DLGAP4: variants seen among roughly 807,000 people sequenced by gnomAD.
The protein encoded by DLGAP4 is DLG associated protein 4, also known as disks large-associated protein 4.
A neutral mutation model predicts 86.9 loss-of-function variants in DLGAP4; 18 were observed. The observed-to-expected ratio is 0.21, with a 90% CI of 0.14 to 0.31. The LOEUF (loss-of-function observed/expected upper bound fraction) is 0.31. Among genes scored for constraint, DLGAP4 ranks in the 10% least tolerant of loss-of-function variants. The probability of loss-of-function intolerance (pLI) is 1.00; values close to 1 mark genes in which losing one functional copy is unlikely to be tolerated. For missense variants in DLGAP4, 1,085 were observed against 1,362.6 expected, an observed-to-expected ratio of 0.80 and a Z score of 3.21; for synonymous variants, 548 against 574.3, an observed-to-expected ratio of 0.95 and a Z score of 0.65.
chr20:36,386,957 C>T (rs942383733), intron 2 of DLGAP4, among the ~76,000 whole-genome samples: 1 of 152,034 alleles, frequency 6.6e-6, no homozygotes, highest in East Asian at 1.9e-4. Flanking sequence ...TTTTTTCTGC[C>T]GAATAGTATT....
intron 7 of DLGAP4, among the ~76,000 whole-genome samples, chr20:36,473,368 C>T (rs1218712162): frequency 1.3e-5 from 2 of 152,186 alleles, no homozygotes; most frequent in Admixed American, 6.5e-5. Flanking sequence ...CCCTTCCCTT[C>T]TCTGGCCTGC....
At chr20:36,367,320 A>C (rs546936045) in intron 2 of DLGAP4, 45 bp downstream of exon 2, 2 of 152,408 alleles carry the variant, frequency 1.3e-5, no homozygotes, top group Admixed American at 1.3e-4. Flanking sequence ...CCAGCCCCCC[A>C]TGCTTGGCAC....
intron 7 of DLGAP4, among the ~76,000 whole-genome samples, chr20:36,473,656 C>T (rs1569511917): frequency 6.6e-6 from 1 of 152,152 alleles, no homozygotes; most frequent in Non-Finnish European, 1.5e-5. Context: ...CACTATGCTA[C>T]CCACGTTGGT....
chr20:36,369,074 G>A (rs755766951), intron 2 of DLGAP4, among the ~76,000 whole-genome samples: 2 of 152,194 alleles, frequency 1.3e-5, no homozygotes, highest in Admixed American at 1.3e-4. Context: ...CGTCAGCATC[G>A]CGTGGAAAGA....
intron 1 of DLGAP4, among the ~76,000 whole-genome samples, chr20:36,351,120 G>T (rs2030137225): frequency 6.6e-6 from 1 of 152,230 alleles, no homozygotes; most frequent in Non-Finnish European, 1.5e-5. Context: ...GAGTGGTTGG[G>T]GGCCCCCCTG....
intron 7 of DLGAP4, among the ~76,000 whole-genome samples, chr20:36,466,926 C>CTCTCTCTCTCTCTCTCTCTCTG (rs2034384776): frequency 7.1e-6 from 1 of 140,938 alleles, no homozygotes; most frequent in Admixed American, 6.9e-5. Flanking sequence ...CTCGCTCTTG[C>CTCTCTCTCTCTCTCTCTCTCTG]TCTCTCTCTC....
chr20:36,377,513 A>G (rs1171107621), intron 2 of DLGAP4, among the ~76,000 whole-genome samples: 1 of 152,212 alleles, frequency 6.6e-6, no homozygotes, highest in Non-Finnish European at 1.5e-5. Context: ...AATGGTGGCT[A>G]TTATTACTGT....
chr20:36,472,891 G>A (rs538269683), intron 7 of DLGAP4, among the ~76,000 whole-genome samples: 8 of 152,294 alleles, frequency 5.3e-5, no homozygotes, highest in Admixed American at 3.9e-4. Context: ...GAGCCTGGCT[G>A]GGGTAGGGAC....
At chr20:36,333,373 C>T (rs1470157180) in intron 1 of DLGAP4, among the ~76,000 whole-genome samples, 3 of 152,140 alleles carry the variant, frequency 2.0e-5, no homozygotes, top group East Asian at 1.9e-4. Flanking sequence ...CACCTCACTC[C>T]GTTCCAGCCA....
At chr20:36,320,054 T>C (rs1377825296) in intron 1 of DLGAP4, among the ~76,000 whole-genome samples, 4 of 82,672 alleles carry the variant, frequency 4.8e-5, no homozygotes, top group South Asian at 4.3e-4. Context: ...TCTGTGTCCC[T>C]CTCCTCCAGG....
intron 10 of DLGAP4, among the ~76,000 whole-genome samples, chr20:36,509,220 C>T (rs1600681904): frequency 6.6e-6 from 1 of 152,020 alleles, no homozygotes; most frequent in East Asian, 1.9e-4. Flanking sequence ...TTCAGGAGTT[C>T]AAAACTAGCC....
chr20:36,364,076 T>TTTTTG (rs373720701), intron 1 of DLGAP4, among the ~76,000 whole-genome samples: 538 of 152,266 alleles, frequency 3.5e-3, no homozygotes, highest in African/African-American at 0.011. Context: ...TTGCAGAATC[T>TTTTTG]TTTTGTTTTG....
chr20:36,447,723 G>A (rs138467710), intron 7 of DLGAP4, among the ~76,000 whole-genome samples: 306 of 151,860 alleles, frequency 2.0e-3, no homozygotes, highest in African/African-American at 7.2e-3. Context: ...GCCCAGCCCT[G>A]GATTCTTGTT....
intron 1 of DLGAP4, among the ~76,000 whole-genome samples, chr20:36,307,289 C>T (rs1191843979): frequency 1.2e-4 from 19 of 152,164 alleles, no homozygotes; most frequent in African/African-American, 4.1e-4. Context: ...ACCAGGTGGC[C>T]GCGGGGACCA....
chr20:36,478,037 A>G (rs2035023642), intron 7 of DLGAP4, among the ~76,000 whole-genome samples: 1 of 152,222 alleles, frequency 6.6e-6, no homozygotes, highest in Non-Finnish European at 1.5e-5. Context: ...AAGAAGCTCC[A>G]GTGTTGATGG....
intron 1 of DLGAP4, among the ~76,000 whole-genome samples, chr20:36,317,265 TTCTTTCTTTCTTA>T (rs1331296224): frequency 0.019 from 845 of 45,478 alleles, 6 homozygotes; most frequent in Non-Finnish European, 0.023. Flanking sequence ...CTTTCTTTCT[TTCTTTCTTTCTTA>T]TCTTTCTTTC....
intron 8 of DLGAP4, chr20:36,497,776 C>T (rs1428136653): frequency 6.2e-5 from 17 of 273,582 alleles, no homozygotes; most frequent in Admixed American, 3.2e-4. Flanking sequence ...TTCCCCTCCA[C>T]TGCTTCATTG....
At chr20:36,436,935 C>T (rs936339717) in intron 4 of DLGAP4, among the ~76,000 whole-genome samples, 74 of 152,248 alleles carry the variant, frequency 4.9e-4, no homozygotes, top group African/African-American at 1.7e-3. Context: ...CAGGGGAAAA[C>T]CTCTTTCAGT....
intron 6 of DLGAP4, among the ~76,000 whole-genome samples, chr20:36,444,196 A>G (rs893548802): frequency 3.9e-5 from 6 of 152,238 alleles, no homozygotes; most frequent in African/African-American, 9.6e-5. Context: ...TTAATTTATC[A>G]GTACTGTACA....
Sources: allele counts gnomAD v4.1 joint callset (sites outside exome capture counted in the v4.1 genomes callset), GRCh38; gene constraint gnomAD v4.1.1; transcripts MANE v1.5; gene names NCBI Gene and HGNC (gene_info 2026-07-23, HGNC 2026-07-21).